The following LRRK1 variants were observed in gnomAD, a reference collection of about 807,000 sequenced individuals.
LRRK1 encodes leucine rich repeat kinase 1.
LRRK1 carries 113 observed loss-of-function variants against 209.1 expected under a neutral mutation model. The observed-to-expected ratio is 0.54, with a 90% confidence interval of 0.46 to 0.63. LRRK1 has a LOEUF of 0.63. LRRK1 is among the 30% of genes least tolerant of loss of function. The pLI is 0.00. For synonymous variants in LRRK1, 1,144 were observed against 1,099.7 expected, an observed-to-expected ratio of 1.04 and a Z score of -0.80; for missense variants, 2,284 against 2,632.2, an observed-to-expected ratio of 0.87 and a Z score of 2.89.
At chr15:101,052,545 T>C (rs1221170029) in intron 24 of LRRK1, among the ~76,000 whole-genome samples, 2 of 152,288 alleles carry the variant, frequency 1.3e-5, no homozygotes, top group East Asian at 1.9e-4. Context: ...ATTGTACCTA[T>C]GCTAACCCAA....
chr15:101,008,074 C>T (rs1220988899), intron 6 of LRRK1, among the ~76,000 whole-genome samples: 2 of 134,628 alleles, frequency 1.5e-5, no homozygotes, highest in Non-Finnish European at 1.5e-5. Context: ...ACCCGGGAAG[C>T]GGCGGTTGCA....
chr15:100,938,456 C>G (rs2042343071), intron 2 of LRRK1, among the ~76,000 whole-genome samples: 1 of 152,110 alleles, frequency 6.6e-6, no homozygotes, highest in Non-Finnish European at 1.5e-5. Context: ...AGCCACTCTT[C>G]TAGCTTTTTG....
intron 33 of LRRK1, among the ~76,000 whole-genome samples, 193 bp from the exon 34 acceptor site, chr15:101,068,478 T>C (rs2036656441): frequency 6.6e-6 from 1 of 152,142 alleles, no homozygotes; most frequent in African/African-American, 2.4e-5. Flanking sequence ...TTGGACTTTA[T>C]AAAGCCTAAG....
intron 22 of LRRK1, 145 bp downstream of exon 22, chr15:101,048,802 G>A: frequency 3.2e-6 from 2 of 624,060 alleles, no homozygotes; most frequent in African/African-American, 1.9e-5. Context: ...CTAGAAATGT[G>A]AGGCCCTCCC....
chr15:101,020,233 C>A (rs2033713901), intron 12 of LRRK1, among the ~76,000 whole-genome samples: 1 of 152,156 alleles, frequency 6.6e-6, no homozygotes, highest in African/African-American at 2.4e-5. Context: ...TGTCTAACAA[C>A]TGTAACCTCT....
At chr15:100,928,582 A>G (rs2042154099) in intron 2 of LRRK1, among the ~76,000 whole-genome samples, 1 of 152,178 alleles carries the variant, frequency 6.6e-6, no homozygotes, top group South Asian at 2.1e-4. Context: ...TTGGAAGATA[A>G]CGTGATTGAA....
chr15:100,984,782 G>A (rs775928238), intron 4 of LRRK1, among the ~76,000 whole-genome samples: 22 of 151,806 alleles, frequency 1.4e-4, no homozygotes, highest in Non-Finnish European at 2.8e-4. Flanking sequence ...GTAATTTCCC[G>A]TGGTGGTCTT....
chr15:100,987,833 G>T (rs758734234), intron 4 of LRRK1, among the ~76,000 whole-genome samples: 1 of 152,154 alleles, frequency 6.6e-6, no homozygotes, highest in Non-Finnish European at 1.5e-5. Context: ...TGTCTCCAAA[G>T]TTCATACTCC....
intron 2 of LRRK1, among the ~76,000 whole-genome samples, chr15:100,958,572 A>T (rs760039839): frequency 1.1e-4 from 16 of 152,244 alleles, no homozygotes; most frequent in Admixed American, 2.0e-4. Flanking sequence ...TTCATCCCAG[A>T]TGGCTAAGGA....
chr15:101,065,720 G>T lies in LRRK1; in HGVS notation c.5283G>T (p.Leu1761Phe), dbSNP rs1331291177. ...VWCLDDKANS[L>F]VMYHSTTYQL... Reference sequence around the variant, plus strand: ...GCCTGGATGACAAGGCCAACTCCTTGGTGATGTACCACTCCACCACCTACC... The same window carrying T: ...GCCTGGATGACAAGGCCAACTCCTTTGTGATGTACCACTCCACCACCTACC... The change falls in exon 32 of 34, where the codon TTG becomes TTT. Residue 1761 changes from leucine to phenylalanine, a missense_variant. Coordinates refer to ENST00000388948, the MANE Select transcript of LRRK1 (RefSeq NM_024652.6). The T allele has an allele frequency of 6.2e-7, 1 of 1,614,114 alleles. No individual in the cohort carries two copies. Among genetic ancestry groups the T allele is most frequent in the African/African-American group, 1.3e-5 (1 of 75,036 alleles).
chr15:101,019,126 G>A (rs546889347), intron 12 of LRRK1, among the ~76,000 whole-genome samples: 132 of 152,132 alleles, frequency 8.7e-4, no homozygotes, highest in Non-Finnish European at 1.7e-3. Context: ...AGTGCCCATC[G>A]TTTTCAACAC....
At position 101,077,139 on chromosome 15, in the gene LRRK1, T is replaced by C. The variant is rs2037014485; in HGVS notation, c.*8291T>C. 6.6e-6 allele frequency: 1 copy of C among 152,206 alleles called. No individual in the cohort carries two copies. The highest frequency in any genetic ancestry group is 1.5e-5 in the Non-Finnish European group (1 of 68,026). The allele number at this position is 152,206 out of a possible 1,614,324, so 9.4% of individuals were successfully genotyped here. The stretch of plus-strand genomic sequence containing the variant: ...GGACAATACTTTTACCACTTTCCCT[T>C]CTCAGAATTCAGGCCTGTCCTTGGA... On this transcript the variant is annotated 3_prime_UTR_variant, in exon 34 of 34. Transcript: ENST00000388948.
At chr15:101,019,125 C>T (rs1476225342) in intron 12 of LRRK1, among the ~76,000 whole-genome samples, 3 of 152,186 alleles carry the variant, frequency 2.0e-5, no homozygotes, top group African/African-American at 7.2e-5. Flanking sequence ...CAGTGCCCAT[C>T]GTTTTCAACA....
intron 2 of LRRK1, among the ~76,000 whole-genome samples, chr15:100,942,935 C>G (rs529195044): frequency 6.6e-6 from 1 of 152,144 alleles, no homozygotes; most frequent in African/African-American, 2.4e-5. Context: ...GTTCTCCATC[C>G]GCCAGTGCTT....
chr15:100,926,697 TTTTTTG>T (rs1283052075), intron 2 of LRRK1, among the ~76,000 whole-genome samples: 24 of 142,508 alleles, frequency 1.7e-4, no homozygotes, highest in Admixed American at 4.2e-4. Flanking sequence ...TTTTTTTTTT[TTTTTTG>T]AGACAGTGTC....
At chr15:100,948,471 A>G (rs543181822) in intron 2 of LRRK1, among the ~76,000 whole-genome samples, 1 of 152,338 alleles carries the variant, frequency 6.6e-6, no homozygotes, top group African/African-American at 2.4e-5. Flanking sequence ...CTCTCCACCA[A>G]TTAAAGAGCA....
intron 20 of LRRK1, among the ~76,000 whole-genome samples, chr15:101,033,005 G>A (rs1319509114): frequency 6.6e-6 from 1 of 152,152 alleles, no homozygotes; most frequent in Non-Finnish European, 1.5e-5. Flanking sequence ...TTTTCTGGAG[G>A]CCAGAAGTCC....
intron 6 of LRRK1, among the ~76,000 whole-genome samples, chr15:100,995,466 C>G (rs1033172481): frequency 1.3e-5 from 2 of 152,178 alleles, no homozygotes; most frequent in African/African-American, 4.8e-5. Flanking sequence ...GACACACTCT[C>G]TAAGAAACAA....
intron 29 of LRRK1, 45 bp downstream of exon 29, chr15:101,058,186 G>T (rs944152591): frequency 6.3e-7 from 1 of 1,598,342 alleles, no homozygotes; most frequent in Non-Finnish European, 8.5e-7. Context: ...TTTGGGGTGG[G>T]AGGCCGCCGT....
Sources: gnomAD v4.1 joint callset for allele counts (sites outside exome capture counted in the v4.1 genomes callset) on GRCh38, gnomAD v4.1.1 for gene constraint, MANE v1.5 for transcripts, NCBI Gene and HGNC (gene_info 2026-07-23, HGNC 2026-07-21) for gene names.